Variants in DOCK2 observed in about 807,000 individuals in gnomAD.
DOCK2 encodes dedicator of cytokinesis 2, also known as dedicator of cytokinesis protein 2.
In DOCK2, 87 loss-of-function variants were observed where a neutral mutation model predicts 248.9. The observed-to-expected ratio is 0.35, with a 90% CI of 0.29 to 0.42. The LOEUF (loss-of-function observed/expected upper bound fraction) is 0.42. Ranked by LOEUF, DOCK2 falls within the 10% of genes least tolerant of loss-of-function variation. The probability of loss-of-function intolerance (pLI) is 1.00; values close to 1 mark genes in which losing one functional copy is unlikely to be tolerated. For synonymous variants in DOCK2, 805 were observed against 821.6 expected (o/e 0.98, Z 0.35); for missense variants, 1,747 against 2,300.2 (o/e 0.76, Z 4.92).
At chr5:169,743,210 G>C (rs1311600108) in intron 22 of DOCK2, among the ~76,000 whole-genome samples, 1 of 152,192 alleles carries the variant, frequency 6.6e-6, no homozygotes, top group Non-Finnish European at 1.5e-5. Flanking sequence ...GCTGTCATCA[G>C]GTTATTTCTT....
chr5:169,715,368 C>G (rs1039315909), intron 19 of DOCK2, among the ~76,000 whole-genome samples: 10 of 152,048 alleles, frequency 6.6e-5, no homozygotes, highest in Non-Finnish European at 1.2e-4. Flanking sequence ...TTGACCCATC[C>G]CTTAGGAGGG....
chr5:169,669,385 T>C, intron 3 of DOCK2, 57 bp downstream of exon 3: 1 of 1,586,776 alleles, frequency 6.3e-7, no homozygotes, highest in Middle Eastern at 1.7e-4. Context: ...ATGGCCCCGC[T>C]ATCCCATCTG....
chr5:169,669,273 G>GT lies in DOCK2; in HGVS notation c.128-11dup. 2 of 1,613,046 alleles carry GT rather than the reference G, an allele frequency of 1.2e-6. No homozygotes were observed. The highest frequency in any genetic ancestry group is 1.7e-6 in the Non-Finnish European group (2 of 1,179,704). On this transcript the variant is annotated splice_polypyrimidine_tract_variant and intron_variant, in intron 2 of 51. Coordinates refer to ENST00000520908, the MANE Select transcript of DOCK2 (RefSeq NM_004946.3). Reference sequence around the variant, plus strand: ...TAATAAATGAGGGAACTGTTTCTTTGTTTTCTTTTTGCAGACTGGTATAGG... The same window carrying GT: ...TAATAAATGAGGGAACTGTTTCTTTGTTTTTCTTTTTGCAGACTGGTATAGG...
intron 6 of DOCK2, 151 bp downstream of exon 6, chr5:169,674,596 G>A (rs961504809): frequency 7.0e-5 from 82 of 1,172,116 alleles, no homozygotes; most frequent in Middle Eastern, 2.0e-4. Flanking sequence ...CTTGCGTGCC[G>A]TTGTTACCAC....
chr5:169,747,800 T>C lies in DOCK2; in HGVS notation c.2376+296T>C, dbSNP rs549053713. ...TGGAGAGAACAGTTCATGGTAGCAGTCTCTTAAACTGAGTTTAATTCTCGA... is the reference window on the plus strand; with the variant it reads ...TGGAGAGAACAGTTCATGGTAGCAGCCTCTTAAACTGAGTTTAATTCTCGA... On this transcript the variant is annotated intron_variant, in intron 23 of 51. Coordinates refer to ENST00000520908, the MANE Select transcript of DOCK2 (RefSeq NM_004946.3). Among the ~76,000 whole-genome samples, 40 of 152,342 alleles carry C rather than the reference T, an allele frequency of 2.6e-4. 2 individuals are homozygous for C. In the South Asian group the frequency reaches 8.1e-3, roughly 31 times the overall value.
intron 33 of DOCK2, among the ~76,000 whole-genome samples, chr5:170,026,899 T>C (rs1038536803): frequency 6.6e-6 from 1 of 152,174 alleles, no homozygotes. Context: ...GTTTTATGAG[T>C]ATTTTTCATC....
chr5:169,722,643 A>G (rs1023977583), intron 22 of DOCK2, among the ~76,000 whole-genome samples: 4 of 152,228 alleles, frequency 2.6e-5, no homozygotes, highest in Non-Finnish European at 5.9e-5. Context: ...ATTGTGTTTC[A>G]ATGATGAAAT....
At chr5:169,909,126 G>T (rs955783206) in intron 27 of DOCK2, among the ~76,000 whole-genome samples, 1 of 152,196 alleles carries the variant, frequency 6.6e-6, no homozygotes, top group African/African-American at 2.4e-5. Context: ...CACCTTTGCT[G>T]TGCCTCCATT....
intron 35 of DOCK2, 58 bp downstream of exon 35, chr5:170,034,613 G>A (rs1756258244): frequency 6.3e-7 from 1 of 1,598,570 alleles, no homozygotes; most frequent in Non-Finnish European, 8.5e-7. Context: ...GCTTGGGCTT[G>A]GCTTTGGGTC....
At chr5:169,986,656 T>C (rs1183009757) in intron 29 of DOCK2, among the ~76,000 whole-genome samples, 1 of 152,224 alleles carries the variant, frequency 6.6e-6, no homozygotes, top group Non-Finnish European at 1.5e-5. Flanking sequence ...TAATATTCCT[T>C]GGATTTCCCC....
chr5:170,068,439 CTA>C (rs1361792051), intron 45 of DOCK2, among the ~76,000 whole-genome samples: 1 of 152,198 alleles, frequency 6.6e-6, no homozygotes, highest in East Asian at 1.9e-4. Flanking sequence ...ATTATCTTTC[CTA>C]TGTTATCCAT....
chr5:169,679,219 T>A (rs976399781), intron 6 of DOCK2, among the ~76,000 whole-genome samples: 8 of 152,220 alleles, frequency 5.3e-5, no homozygotes, highest in African/African-American at 9.6e-5. Flanking sequence ...TTACCTTTTT[T>A]AAAAATTTTA....
Position 169,714,163 on chromosome 5 carries a change from G to A in DOCK2, c.1795G>A (p.Val599Met). Residue 599 changes from valine (V) to methionine (M), a missense_variant, in exon 18 of 52, where the codon GTG (valine) becomes ATG (methionine). By Grantham distance (21) the Val-to-Met change is conservative. Transcript: ENST00000520908. Reference protein sequence around the residue: ...VGGLSVSSRDVFSISTLVCST... With the variant: ...VGGLSVSSRDMFSISTLVCST... Reference sequence around the variant, plus strand: ...GGGGCTTTCTGTCAGCTCCCGGGATGTGTTCTCCATTTCCACCCTGGTGTG... The same window carrying A: ...GGGGCTTTCTGTCAGCTCCCGGGATATGTTCTCCATTTCCACCCTGGTGTG... 1 of 1,613,482 alleles carries A rather than the reference G, an allele frequency of 6.2e-7. No homozygotes were observed.
At chr5:169,700,359 C>T (rs1760895485) in intron 13 of DOCK2, among the ~76,000 whole-genome samples, 1 of 151,898 alleles carries the variant, frequency 6.6e-6, no homozygotes, top group Non-Finnish European at 1.5e-5. Context: ...TACCCCTTCT[C>T]CCCACAAATG....
At chr5:169,846,987 T>C (rs1252468774) in intron 27 of DOCK2, among the ~76,000 whole-genome samples, 1 of 152,226 alleles carries the variant, frequency 6.6e-6, no homozygotes. Flanking sequence ...TCACTTAGAA[T>C]AATGGCCTCC....
intron 25 of DOCK2, chr5:169,779,322 G>A (rs960412713): frequency 3.3e-5 from 5 of 152,196 alleles, no homozygotes; most frequent in Admixed American, 6.5e-5. Flanking sequence ...CTGAAAGTGT[G>A]GCCCTGTCCC....
Position 169,962,428 on chromosome 5 carries a change from C to T in DOCK2, c.2800-20640C>T, listed in dbSNP as rs140281100. 2.0e-4 allele frequency among the ~76,000 whole-genome samples: 31 copies of T among 152,090 alleles called. No individual in the cohort carries two copies. The East Asian group carries it at 5.4e-3, about 27-fold the overall frequency. ...GGGGGAGGATGGAGGTTCCATTTCCCAAGAGAAAGAAGAGAACCAGATTTG... is the reference window on the plus strand; with the variant it reads ...GGGGGAGGATGGAGGTTCCATTTCCTAAGAGAAAGAAGAGAACCAGATTTG... On this transcript the variant is annotated intron_variant, in intron 27 of 51. Transcript: ENST00000520908.
intron 27 of DOCK2, among the ~76,000 whole-genome samples, chr5:169,888,507 CAG>C (rs1380480065): frequency 1.3e-5 from 2 of 152,324 alleles, no homozygotes; most frequent in East Asian, 3.9e-4. Context: ...CTCATGGAAT[CAG>C]TGTCCATTCA....
At chr5:169,997,781 A>T (rs1046587003) in intron 30 of DOCK2, among the ~76,000 whole-genome samples, 1 of 151,962 alleles carries the variant, frequency 6.6e-6, no homozygotes, top group Non-Finnish European at 1.5e-5. Context: ...TCCTATGTCT[A>T]CTTCTTTCTA....
Sources: gnomAD v4.1 joint callset for allele counts (sites outside exome capture counted in the v4.1 genomes callset) on GRCh38, gnomAD v4.1.1 for gene constraint, MANE v1.5 for transcripts, NCBI Gene and HGNC (gene_info 2026-07-23, HGNC 2026-07-21) for gene names.